DSE: variants seen among roughly 807,000 people sequenced by gnomAD.
The protein encoded by DSE is dermatan-sulfate epimerase.
In DSE, 36 loss-of-function variants were observed where a neutral mutation model predicts 84.4. The observed-to-expected ratio is 0.43, with a 90% CI of 0.33 to 0.56. DSE has a LOEUF of 0.56. Ranked by LOEUF, DSE falls within the 20% of genes least tolerant of loss-of-function variation. DSE has a pLI of 0.06. For synonymous variants in DSE, 410 were observed against 430.1 expected (o/e 0.95, Z 0.58); for missense variants, 862 against 1,169.6 (o/e 0.74, Z 3.84).
chr6:116,420,187 A>G (rs899320918), intron 2 of DSE, among the ~76,000 whole-genome samples: 8 of 152,124 alleles, frequency 5.3e-5, no homozygotes, highest in South Asian at 2.1e-4. Context: ...TCAAAGACCT[A>G]ATTTCTTTTT....
chr6:116,296,089 G>A (rs118084807), intron 2 of DSE, among the ~76,000 whole-genome samples: 2,725 of 152,132 alleles, frequency 0.018, 43 homozygotes, highest in Middle Eastern at 0.054. Flanking sequence ...CTGTCCCTTG[G>A]TATCCAGGGG....
intron 2 of DSE, among the ~76,000 whole-genome samples, chr6:116,294,821 C>A (rs1774555026): frequency 6.6e-6 from 1 of 152,094 alleles, no homozygotes; most frequent in Non-Finnish European, 1.5e-5. Context: ...CCTCCAATTT[C>A]CTCTCACCCC....
chr6:116,321,634 A>G (rs898266956), intron 2 of DSE, among the ~76,000 whole-genome samples: 1 of 152,084 alleles, frequency 6.6e-6, no homozygotes, highest in Non-Finnish European at 1.5e-5. Flanking sequence ...AAAAATAGAA[A>G]AAATTAGCCG....
intron 2 of DSE, chr6:116,355,709 A>G (rs1276683228): frequency 6.6e-6 from 1 of 152,214 alleles, no homozygotes; most frequent in Non-Finnish European, 1.5e-5. Context: ...AGTCCTAGGA[A>G]GATTGTGAGC....
At chr6:116,330,263 T>A (rs1469619213) in intron 2 of DSE, among the ~76,000 whole-genome samples, 2 of 152,228 alleles carry the variant, frequency 1.3e-5, no homozygotes, top group Non-Finnish European at 2.9e-5. Context: ...GCATTTCTTT[T>A]CTGGACATAA....
At chr6:116,271,799 T>A (rs11969616) in intron 2 of DSE, among the ~76,000 whole-genome samples, 136 of 152,344 alleles carry the variant, frequency 8.9e-4, no homozygotes, top group African/African-American at 3.2e-3. Context: ...TTCTATTTTT[T>A]AAATTATCAA....
At position 116,440,311 on chromosome 6, in the gene DSE, T is replaced by C. The variant is rs1784387067; in HGVS notation, c.*2966T>C. 1 of 152,222 alleles carries C rather than the reference T, an allele frequency of 6.6e-6. No homozygotes were observed. The highest frequency in any genetic ancestry group is 6.5e-5 in the Admixed American group (1 of 15,286). 9.4% of individuals were successfully genotyped at this position (152,222 alleles called of 1,614,324 possible). A position where few individuals can be genotyped will look rare whatever the true frequency, so the allele number is the denominator to read the frequency against. ...CAGTTTTTAAAAAATTATTTTTATT[T>C]CTAGAGACACGGTCCTTTCTGCATC... is the stretch of plus-strand genomic sequence containing the variant. On this transcript the variant is annotated 3_prime_UTR_variant, in exon 6 of 6. Coordinates refer to ENST00000644252, the MANE Select transcript of DSE (RefSeq NM_013352.4).
At chr6:116,271,039 A>T (rs1772856847) in intron 2 of DSE, among the ~76,000 whole-genome samples, 1 of 152,228 alleles carries the variant, frequency 6.6e-6, no homozygotes. Flanking sequence ...GCAGAATTAG[A>T]TATCCAAAGC....
chr6:116,440,131 A>G lies in DSE; in HGVS notation c.*2786A>G, dbSNP rs531627254. On this transcript the variant is annotated 3_prime_UTR_variant, in exon 6 of 6. Transcript: ENST00000644252. ...TTCTGGAACTATTTTAATTGTTAAA[A>G]TGTATCACCTAAGATAATGAATTCT... The G allele has an allele frequency of 1.3e-5, 2 of 152,290 alleles. No homozygotes were observed. Among genetic ancestry groups the G allele is most frequent in the African/African-American group, 4.8e-5 (2 of 41,562 alleles). 9.4% of individuals were successfully genotyped at this position (152,290 alleles called of 1,614,324 possible). A position where few individuals can be genotyped will look rare whatever the true frequency, so the allele number is the denominator to read the frequency against.
chr6:116,360,434 A>G (rs1778826837), intron 2 of DSE, among the ~76,000 whole-genome samples: 1 of 152,202 alleles, frequency 6.6e-6, no homozygotes, highest in Non-Finnish European at 1.5e-5. Flanking sequence ...TTAATATTTC[A>G]TTTGTAATTT....
intron 2 of DSE, among the ~76,000 whole-genome samples, chr6:116,304,333 G>A (rs1775219659): frequency 6.7e-6 from 1 of 149,928 alleles, no homozygotes; most frequent in African/African-American, 2.4e-5. Context: ...TTGCATATCT[G>A]AAATTTTTAG....
intron 2 of DSE, among the ~76,000 whole-genome samples, chr6:116,331,437 T>G (rs184373686): frequency 6.6e-6 from 1 of 151,984 alleles, no homozygotes; most frequent in Admixed American, 6.6e-5. Flanking sequence ...AACCATCAGA[T>G]CTCATGAGAA....
intron 2 of DSE, among the ~76,000 whole-genome samples, chr6:116,356,780 C>T (rs1047646548): frequency 6.6e-6 from 1 of 152,128 alleles, no homozygotes; most frequent in African/African-American, 2.4e-5. Flanking sequence ...TCCCGTGCTG[C>T]TTGTCTTTGG....
chr6:116,388,256 T>C (rs1343047100), intron 1 of DSE, among the ~76,000 whole-genome samples: 1 of 152,162 alleles, frequency 6.6e-6, no homozygotes, highest in Non-Finnish European at 1.5e-5. Context: ...CCACTGTTGG[T>C]GTAAATCCCA....
At chr6:116,362,360 A>G (rs2352141) in intron 2 of DSE, among the ~76,000 whole-genome samples, 11,220 of 152,252 alleles carry the variant, frequency 0.074, 1,304 homozygotes, top group African/African-American at 0.25. Flanking sequence ...CTCAAGTGCT[A>G]TGGACTGAAT....
chr6:116,428,590 A>T (rs950185495), intron 3 of DSE, among the ~76,000 whole-genome samples: 5 of 152,208 alleles, frequency 3.3e-5, no homozygotes, highest in Non-Finnish European at 7.3e-5. Flanking sequence ...ACTCTTCCAG[A>T]GCCCCCACAT....
chr6:116,356,117 A>G (rs1054788356), intron 2 of DSE, among the ~76,000 whole-genome samples: 1 of 152,220 alleles, frequency 6.6e-6, no homozygotes, highest in Non-Finnish European at 1.5e-5. Flanking sequence ...TGGTATGGAC[A>G]GGCTGCACTT....
At chr6:116,386,899 G>A (rs1310771609) in intron 1 of DSE, among the ~76,000 whole-genome samples, 1 of 152,234 alleles carries the variant, frequency 6.6e-6, no homozygotes, top group East Asian at 1.9e-4. Flanking sequence ...CATTGTATTA[G>A]TGCTTCTTAG....
chr6:116,407,386 A>G (rs141450834), intron 2 of DSE, among the ~76,000 whole-genome samples: 8 of 152,164 alleles, frequency 5.3e-5, no homozygotes, highest in East Asian at 1.9e-4. Flanking sequence ...GTGTCACTCT[A>G]TTTCTTCTAT....
Sources: allele counts gnomAD v4.1 joint callset (sites outside exome capture counted in the v4.1 genomes callset), GRCh38; gene constraint gnomAD v4.1.1; transcripts MANE v1.5; gene names NCBI Gene and HGNC (gene_info 2026-07-23, HGNC 2026-07-21).